ESF1: variants seen among roughly 807,000 people sequenced by gnomAD.
ESF1 encodes the protein ESF1 nucleolar pre-rRNA processing protein.
ESF1 carries 58 observed loss-of-function variants against 92.0 expected under a neutral mutation model. The observed-to-expected ratio is 0.63, with a 90% CI of 0.51 to 0.78. The LOEUF (loss-of-function observed/expected upper bound fraction) is 0.78, where lower values mean the gene tolerates loss of function less well. ESF1 is among the 30% of genes least tolerant of loss of function. ESF1 has a pLI of 0.00. For missense variants in ESF1, 922 were observed against 989.1 expected, an observed-to-expected ratio of 0.93 and a Z score of 0.91; for synonymous variants, 321 against 313.7, an observed-to-expected ratio of 1.02 and a Z score of -0.24.
At chr20:13,751,294 A>G (rs1978623001) in intron 9 of ESF1, among the ~76,000 whole-genome samples, 1 of 152,268 alleles carries the variant, frequency 6.6e-6, no homozygotes, top group Non-Finnish European at 1.5e-5. Flanking sequence ...TTTGCTTTCC[A>G]GACCAAAGAA....
intron 5 of ESF1, among the ~76,000 whole-genome samples, chr20:13,772,148 G>GA (rs902334931): frequency 1.3e-5 from 2 of 148,910 alleles, no homozygotes; most frequent in Admixed American, 6.7e-5. Context: ...TCTCAAATAA[G>GA]AAAAAATTAT....
chr20:13,741,482 C>A (rs2050013405), intron 9 of ESF1, among the ~76,000 whole-genome samples: 1 of 152,050 alleles, frequency 6.6e-6, no homozygotes, highest in Non-Finnish European at 1.5e-5. Flanking sequence ...AAACACAGAG[C>A]CAAGCAACAA....
chr20:13,717,634 G>A (rs1342052435), intron 12 of ESF1, 120 bp from the exon 13 acceptor site: 3 of 1,052,528 alleles, frequency 2.9e-6, no homozygotes, highest in Middle Eastern at 4.3e-4. Flanking sequence ...AGAACTCTGG[G>A]GTACCACCTG....
rs554776582 is a variant in ESF1 at position 13,733,743 on chromosome 20, T to C, written c.1928A>G (p.Lys643Arg). Reference sequence around the variant, plus strand: ...TACCTTCTGTTTCCTTTTCAGTCTTTTTTTCTCTTTCTTCTTCTCTAAAAA... The same window carrying C: ...TACCTTCTGTTTCCTTTTCAGTCTTCTTTTCTCTTTCTTCTTCTCTAAAAA... ...EQFLEKKKEK[K>R]RLKRKQKALA... is the part of the protein sequence containing the mutation. The change falls in exon 10 of 14, where the codon AAA (lysine) becomes AGA (arginine). Residue 643 changes from lysine to arginine, a missense_variant. By Grantham distance (26) the Lys-to-Arg change is conservative. Coordinates refer to ENST00000617257, the MANE Select transcript of ESF1 (RefSeq NM_001276380.2). 1 of 1,612,412 alleles carries C rather than the reference T, an allele frequency of 6.2e-7. No homozygotes were observed. Among genetic ancestry groups the C allele is most frequent in the African/African-American group, 1.3e-5 (1 of 74,918 alleles).
intron 11 of ESF1, among the ~76,000 whole-genome samples, chr20:13,723,118 G>A (rs1415407754): frequency 1.3e-5 from 2 of 152,194 alleles, no homozygotes; most frequent in African/African-American, 4.8e-5. Context: ...TATAATGTCA[G>A]AGACTTGTTC....
chr20:13,715,998 A>G (rs1393462736), intron 13 of ESF1, among the ~76,000 whole-genome samples: 1 of 152,216 alleles, frequency 6.6e-6, no homozygotes, highest in East Asian at 1.9e-4. Flanking sequence ...TTTCATAAGG[A>G]AAGTAACTCA....
chr20:13,770,915 C>G (rs1979653604), intron 6 of ESF1, among the ~76,000 whole-genome samples: 1 of 152,202 alleles, frequency 6.6e-6, no homozygotes, highest in South Asian at 2.1e-4. Context: ...TAAATTTTAA[C>G]TAAAATAACC....
intron 11 of ESF1, among the ~76,000 whole-genome samples, chr20:13,721,430 C>A (rs1185076759): frequency 6.6e-6 from 1 of 152,122 alleles, no homozygotes; most frequent in Non-Finnish European, 1.5e-5. Context: ...GGGTTGGAGA[C>A]TGAATGAGGG....
intron 9 of ESF1, among the ~76,000 whole-genome samples, chr20:13,751,973 C>T (rs547069458): frequency 2.6e-4 from 40 of 151,346 alleles, no homozygotes; most frequent in Non-Finnish European, 5.5e-4. Context: ...CCAGCCCAGG[C>T]GACAGAAGAA....
At chr20:13,741,510 T>C (rs1006449419) in intron 9 of ESF1, among the ~76,000 whole-genome samples, 1 of 152,102 alleles carries the variant, frequency 6.6e-6, no homozygotes, top group African/African-American at 2.4e-5. Flanking sequence ...GTTCTGAAAC[T>C]CTGGTACATG....
At chr20:13,715,360 T>A (rs2049817559) in intron 13 of ESF1, among the ~76,000 whole-genome samples, 193 bp from the exon 14 acceptor site, 1 of 152,104 alleles carries the variant, frequency 6.6e-6, no homozygotes, top group Non-Finnish European at 1.5e-5. Context: ...CCACAACTTG[T>A]GGGGCACCCT....
At chr20:13,764,582 A>G (rs1979345525) in intron 8 of ESF1, among the ~76,000 whole-genome samples, 1 of 152,214 alleles carries the variant, frequency 6.6e-6, no homozygotes, top group East Asian at 1.9e-4. Flanking sequence ...TACAAATAAT[A>G]CAGTCAGTTA....
chr20:13,717,836 A>C (rs1454777161), intron 12 of ESF1, among the ~76,000 whole-genome samples: 1 of 152,128 alleles, frequency 6.6e-6, no homozygotes, highest in African/African-American at 2.4e-5. Flanking sequence ...CTCAAATAAA[A>C]AGTTCTCATT....
At chr20:13,781,380 ATTAT>A (rs2147452294) in intron 2 of ESF1, among the ~76,000 whole-genome samples, 1 of 152,284 alleles carries the variant, frequency 6.6e-6, no homozygotes, top group African/African-American at 2.4e-5. Flanking sequence ...CATAAAATAT[ATTAT>A]TTAAAATAAT....
Position 13,759,693 on chromosome 20 carries a change from T to C in ESF1, c.1827A>G (p.Pro609=), listed in dbSNP as rs764748785. 1.3e-5 allele frequency: 20 copies of C among 1,577,712 alleles called. No individual in the cohort carries two copies. The highest frequency in any genetic ancestry group is 4.2e-5 in the African/African-American group (3 of 72,112). The change falls in exon 9 of 14, where the codon CCA becomes CCG. Residue 609 remains proline, a splice_region_variant and synonymous_variant. Transcript: ENST00000617257. ...NDMEMEIKWV[P]GLKESAEEMV... is the part of the protein sequence containing the mutation. ...AAACATTTAGTATCTAATTCTTACC[T>C]GGAACCCATTTAATTTCCATTTCCA...
At chr20:13,715,258 G>A (rs2049816706) in intron 13 of ESF1, 91 bp from the exon 14 acceptor site, 1 of 1,223,504 alleles carries the variant, frequency 8.2e-7, no homozygotes, top group East Asian at 2.6e-5. Context: ...TTCGAAAGTT[G>A]GTGAGTTGAT....
At chr20:13,753,418 G>A (rs942294167) in intron 9 of ESF1, among the ~76,000 whole-genome samples, 2 of 149,166 alleles carry the variant, frequency 1.3e-5, no homozygotes, top group Non-Finnish European at 3.0e-5. Context: ...CCTCCACTCT[G>A]AATATCATAT....
chr20:13,717,240 G>A (rs1021417016), intron 13 of ESF1, 128 bp downstream of exon 13: 15 of 1,124,516 alleles, frequency 1.3e-5, no homozygotes, highest in African/African-American at 3.1e-5. Flanking sequence ...GATTATAGGC[G>A]TGAGCCACTG....
rs1262737386 is a variant in ESF1, at chr20:13,714,374, T to A, written c.*500A>T. 6.6e-6 allele frequency: 1 copy of A among 152,312 alleles called. No homozygotes were observed. Among genetic ancestry groups the A allele is most frequent in the East Asian group, 1.9e-4 (1 of 5,218 alleles). The allele number at this position is 152,312 out of a possible 1,614,324, so 9.4% of individuals were successfully genotyped here. On this transcript the variant is annotated 3_prime_UTR_variant, in exon 14 of 14. Coordinates refer to ENST00000617257, the MANE Select transcript of ESF1 (RefSeq NM_001276380.2). ...ACAAGTTAATTTCATAAACTATACT[T>A]AACATGACTAAACAACAAAAAGTTC...
Sources: allele counts gnomAD v4.1 joint callset (sites outside exome capture counted in the v4.1 genomes callset), GRCh38; gene constraint gnomAD v4.1.1; transcripts MANE v1.5; gene names NCBI Gene and HGNC (gene_info 2026-07-23, HGNC 2026-07-21).